The following SORCS1 variants were observed in gnomAD, a reference collection of about 807,000 sequenced individuals.
SORCS1 encodes the protein sortilin related VPS10 domain containing receptor 1.
Under a neutral mutation model 146.1 loss-of-function variants are expected in SORCS1, and 60 were observed. The observed-to-expected ratio is 0.41, with a 90% CI of 0.33 to 0.51. The LOEUF is 0.51. Ranked by LOEUF, SORCS1 falls within the 20% of genes least tolerant of loss-of-function variation. SORCS1 has a pLI of 0.21. For missense variants in SORCS1, 1,352 were observed against 1,487.6 expected (o/e 0.91, Z 1.50); for synonymous variants, 637 against 584.0 (o/e 1.09, Z -1.31).
At chr10:107,003,180 G>C (rs911907857) in intron 1 of SORCS1, among the ~76,000 whole-genome samples, 3 of 151,996 alleles carry the variant, frequency 2.0e-5, no homozygotes, top group African/African-American at 7.3e-5. Context: ...GCCTGAACCT[G>C]GGAGGTAGAG....
At chr10:107,129,648 C>T (rs1966848393) in intron 1 of SORCS1, among the ~76,000 whole-genome samples, 1 of 152,322 alleles carries the variant, frequency 6.6e-6, no homozygotes, top group South Asian at 2.1e-4. Flanking sequence ...GGAGTGTGTT[C>T]TTGTCATCTT....
intron 2 of SORCS1, among the ~76,000 whole-genome samples, chr10:106,912,883 T>C (rs896785894): frequency 5.9e-5 from 9 of 152,038 alleles, no homozygotes; most frequent in Non-Finnish European, 8.8e-5. Flanking sequence ...GGTTTCACCA[T>C]ATTGGCCAGG....
At chr10:106,834,094 T>C (rs976120833) in intron 2 of SORCS1, among the ~76,000 whole-genome samples, 1 of 152,100 alleles carries the variant, frequency 6.6e-6, no homozygotes, top group African/African-American at 2.4e-5. Context: ...CGCCCGGTCA[T>C]GGAAGGCAAT....
At chr10:106,976,658 T>G (rs1956038446) in intron 1 of SORCS1, among the ~76,000 whole-genome samples, 1 of 152,152 alleles carries the variant, frequency 6.6e-6, no homozygotes, top group Non-Finnish European at 1.5e-5. Context: ...AAGCCGCACA[T>G]GCATTAGGTA....
intron 1 of SORCS1, among the ~76,000 whole-genome samples, chr10:107,142,603 T>C (rs2134729634): frequency 6.6e-6 from 1 of 152,344 alleles, no homozygotes; most frequent in Middle Eastern, 3.4e-3. Context: ...TGGTCTATAT[T>C]AAAATGTCTT....
At chr10:106,823,245 G>A (rs972188972) in intron 3 of SORCS1, among the ~76,000 whole-genome samples, 7 of 152,066 alleles carry the variant, frequency 4.6e-5, no homozygotes, top group Admixed American at 2.0e-4. Flanking sequence ...TATACAATAC[G>A]CTAGCTCCTC....
chr10:107,010,635 A>G (rs1191660030), intron 1 of SORCS1, among the ~76,000 whole-genome samples: 1 of 152,208 alleles, frequency 6.6e-6, no homozygotes, highest in Non-Finnish European at 1.5e-5. Context: ...CCATCAGCCC[A>G]ACTCAGGAAA....
intron 1 of SORCS1, among the ~76,000 whole-genome samples, chr10:107,138,154 A>T (rs61128949): frequency 6.6e-6 from 1 of 151,930 alleles, no homozygotes; most frequent in African/African-American, 2.4e-5. Flanking sequence ...ATTTTTTTTT[A>T]AATAAAAGAA....
chr10:106,730,364 T>C (rs535505315), intron 5 of SORCS1, among the ~76,000 whole-genome samples: 44 of 152,364 alleles, frequency 2.9e-4, no homozygotes, highest in African/African-American at 7.9e-4. Flanking sequence ...TGTTATTAGC[T>C]GGGACTTGCA....
intron 6 of SORCS1, among the ~76,000 whole-genome samples, chr10:106,716,876 T>C (rs1048604702): frequency 9.9e-5 from 15 of 152,160 alleles, no homozygotes; most frequent in Non-Finnish European, 1.8e-4. Context: ...TGATTCACAC[T>C]TGTAATCCCC....
At chr10:106,865,393 G>A (rs374501990) in intron 2 of SORCS1, among the ~76,000 whole-genome samples, 40 of 152,230 alleles carry the variant, frequency 2.6e-4, no homozygotes, top group African/African-American at 7.5e-4. Context: ...GAACTGGAGC[G>A]GACCCCCAAC....
chr10:106,755,260 G>A (rs1455554158), intron 5 of SORCS1, among the ~76,000 whole-genome samples: 2 of 152,152 alleles, frequency 1.3e-5, no homozygotes, highest in Non-Finnish European at 2.9e-5. Context: ...TTTTTCTCCT[G>A]TCTTTTATTG....
chr10:106,673,165 C>T (rs984061905), intron 14 of SORCS1, among the ~76,000 whole-genome samples, 180 bp from the exon 15 acceptor site: 4 of 149,674 alleles, frequency 2.7e-5, no homozygotes, highest in Admixed American at 1.3e-4. Flanking sequence ...CAGAGTCTCG[C>T]TCTGTCACCA....
intron 22 of SORCS1, among the ~76,000 whole-genome samples, chr10:106,610,311 T>C (rs1846892714): frequency 6.6e-6 from 1 of 152,086 alleles, no homozygotes; most frequent in Non-Finnish European, 1.5e-5. Context: ...CTCCAGAATC[T>C]GATCTTTAAG....
chr10:106,986,817 C>CT (rs1445189298), intron 1 of SORCS1, among the ~76,000 whole-genome samples: 20 of 152,120 alleles, frequency 1.3e-4, no homozygotes, highest in Admixed American at 3.9e-4. Flanking sequence ...TTTTATTTTG[C>CT]TTTTTTCATG....
chr10:107,147,320 C>T (rs1267738994), intron 1 of SORCS1, among the ~76,000 whole-genome samples: 4 of 152,174 alleles, frequency 2.6e-5, no homozygotes, highest in East Asian at 3.9e-4. Flanking sequence ...AAATGAAGAG[C>T]AGGAAGCTAT....
intron 10 of SORCS1, among the ~76,000 whole-genome samples, chr10:106,687,942 C>T (rs1341204580): frequency 6.6e-6 from 1 of 152,148 alleles, no homozygotes; most frequent in Non-Finnish European, 1.5e-5. Flanking sequence ...ATTTGAGGCC[C>T]TCATCAGAAC....
chr10:106,935,697 T>C (rs999371360), intron 2 of SORCS1, among the ~76,000 whole-genome samples: 2 of 152,190 alleles, frequency 1.3e-5, no homozygotes, highest in African/African-American at 4.8e-5. Flanking sequence ...AGACCAAGAT[T>C]CTATGAAATA....
chr10:106,785,899 T>C (rs927688577), intron 3 of SORCS1, among the ~76,000 whole-genome samples: 1 of 152,202 alleles, frequency 6.6e-6, no homozygotes, highest in Non-Finnish European at 1.5e-5. Context: ...AGTTATTTAA[T>C]GACAAACATT....
Sources: allele counts gnomAD v4.1 joint callset (sites outside exome capture counted in the v4.1 genomes callset), GRCh38; gene constraint gnomAD v4.1.1; transcripts MANE v1.5; gene names NCBI Gene and HGNC (gene_info 2026-07-23, HGNC 2026-07-21).